The following ZNF93 variants were observed in gnomAD, a reference collection of about 807,000 sequenced individuals.
ZNF93 encodes zinc finger protein 505.
In ZNF93, 29 loss-of-function variants were observed where a neutral mutation model predicts 45.0. That is an observed-to-expected ratio of 0.64 (90% CI 0.48 to 0.88). ZNF93 has a LOEUF of 0.88. Ranked by LOEUF, ZNF93 falls within the 40% of genes least tolerant of loss-of-function variation. The pLI, the probability that ZNF93 is intolerant of heterozygous loss-of-function variation, is 0.00. For synonymous variants in ZNF93, 223 were observed against 244.6 expected (o/e 0.91, Z 0.82); for missense variants, 578 against 724.0 (o/e 0.80, Z 2.31).
In ZNF93 at chr19:19,934,751, G is replaced by T. The variant is rs764963014; in HGVS notation, c.1796G>T (p.Gly599Val). The change falls in exon 4 of 4, where the codon GGC (glycine) becomes GTC (valine). Residue 599 changes from glycine to valine, a missense_variant. Gly to Val is a moderately radical substitution (Grantham distance 109). This residue lies in a region of ZNF93 where 119 missense variants were observed against 123.1 expected (regional missense o/e 0.97). Transcript: ENST00000343769. ...GEKPYECDKC[G>V]KAFISPSSLS... ...AAACCATACGAGTGTGATAAATGTG[G>T]CAAAGCCTTTATTTCACCCTCAAGC... 6.2e-7 allele frequency: 1 copy of T among 1,610,810 alleles called. No homozygotes were observed.
intron 2 of ZNF93, among the ~76,000 whole-genome samples, chr19:19,915,836 C>T (rs747869726): frequency 6.6e-6 from 1 of 151,972 alleles, no homozygotes; most frequent in African/African-American, 2.4e-5. Context: ...AGCAAGATTA[C>T]TTCTCGAGAA....
At chr19:19,932,127 G>C (rs149628406) in intron 3 of ZNF93, 1 of 214,204 alleles carries the variant, frequency 4.7e-6, no homozygotes, top group Admixed American at 5.9e-5. Context: ...CAAAAAATTA[G>C]CCAGGCATGG....
chr19:19,915,365 G>A lies in ZNF93; in HGVS notation c.89G>A (p.Arg30Lys), dbSNP rs1599568540. 1 of 1,614,016 alleles carries A rather than the reference G, an allele frequency of 6.2e-7. No individual in the cohort carries two copies. The highest frequency in any genetic ancestry group is 1.3e-5 in the African/African-American group (1 of 75,032). The change falls in exon 2 of 4, where the codon AGG (arginine) becomes AAG (lysine). Residue 30 changes from arginine to lysine, a missense_variant. Transcript: ENST00000343769. The stretch of plus-strand genomic sequence containing the variant: ...GACACTGCACAGCGGAATCTATATA[G>A]GAATGTGATGTTAGAGAACTACAGT... ...CLDTAQRNLY[R>K]NVMLENYSNL...
Position 19,934,840 on chromosome 19 carries a change from G to A in ZNF93, c.*22G>A, listed in dbSNP as rs1293030461. ...CTAGAAGTGTGAAGAATGTGGCAAA[G>A]CCTTCAAGTGGTCCTCACACCTTAC... On this transcript the variant is annotated 3_prime_UTR_variant, in exon 4 of 4. Transcript: ENST00000343769. The A allele has an allele frequency of 6.3e-7, 1 of 1,582,616 alleles. No homozygotes were observed. Among genetic ancestry groups the A allele is most frequent in the African/African-American group, 1.4e-5 (1 of 73,876 alleles).
At chr19:19,906,559 T>G (rs971933441) in intron 1 of ZNF93, among the ~76,000 whole-genome samples, 1 of 152,198 alleles carries the variant, frequency 6.6e-6, no homozygotes, top group African/African-American at 2.4e-5. Flanking sequence ...ATTTTTGCTT[T>G]TGTTACAGTT....
At chr19:19,915,440 A>G in intron 2 of ZNF93, 34 bp downstream of exon 2, 2 of 1,581,622 alleles carry the variant, frequency 1.3e-6, no homozygotes, top group Non-Finnish European at 1.7e-6. Context: ...TTCATAATAC[A>G]CCCTAAAGGT....
intron 1 of ZNF93, chr19:19,909,528 A>G (rs955360991): frequency 2.6e-5 from 4 of 152,242 alleles, no homozygotes; most frequent in Non-Finnish European, 2.9e-5. Flanking sequence ...TGAACTATAT[A>G]TGACATGGTG....
At position 19,926,910 on chromosome 19, in the gene ZNF93, A is replaced by G. The variant is rs74756308; in HGVS notation, c.227-6272A>G. Among the ~76,000 whole-genome samples the G allele has an allele frequency of 5.0e-3, 764 of 152,242 alleles. 23 individuals are homozygous for G. In the East Asian group the frequency reaches 0.1, roughly 21 times the overall value. The stretch of plus-strand genomic sequence containing the variant: ...GTTTTATCTTGTCTAAGTGAGAGTC[A>G]TGGAGATAGTCTTATTTTCACCATG... On this transcript the variant is annotated intron_variant, in intron 3 of 3. Transcript: ENST00000343769.
At chr19:19,916,069 CTTTT>C (rs769502324) in intron 2 of ZNF93, among the ~76,000 whole-genome samples, 1 of 138,506 alleles carries the variant, frequency 7.2e-6, no homozygotes. Flanking sequence ...TTTCTTTTTC[CTTTT>C]TTTTTTTTTT....
intron 3 of ZNF93, among the ~76,000 whole-genome samples, chr19:19,927,660 G>A (rs890272234): frequency 6.6e-6 from 1 of 152,074 alleles, no homozygotes; most frequent in African/African-American, 2.4e-5. Context: ...TCTTTAAGGT[G>A]GAATAATATT....
At chr19:19,904,162 G>A (rs1486213039) in intron 1 of ZNF93, among the ~76,000 whole-genome samples, 1 of 149,140 alleles carries the variant, frequency 6.7e-6, no homozygotes, top group African/African-American at 2.5e-5. Flanking sequence ...TGCAGAGTGT[G>A]TGTCTGGCTG....
At chr19:19,904,235 C>G (rs1429609197) in intron 1 of ZNF93, among the ~76,000 whole-genome samples, 1 of 149,634 alleles carries the variant, frequency 6.7e-6, no homozygotes, top group Non-Finnish European at 1.5e-5. Flanking sequence ...TAAACTGTTT[C>G]TGGAGCACAC....
chr19:19,911,536 G>A (rs1221209695), intron 1 of ZNF93, among the ~76,000 whole-genome samples: 1 of 151,844 alleles, frequency 6.6e-6, no homozygotes, highest in African/African-American at 2.4e-5. Flanking sequence ...CTTCATATGG[G>A]CATTAAAAAA....
rs555810629 is a variant in ZNF93 at position 19,903,031 on chromosome 19, G to T, written c.3+1940G>T. 5.9e-5 allele frequency among the ~76,000 whole-genome samples: 9 copies of T among 152,274 alleles called. No homozygotes were observed. In the South Asian group the frequency reaches 1.7e-3, roughly 28 times the overall value. ...TGGGATTACAGGCGTGAGCCACCGC[G>T]CCCGGCCTTTGGGAGGATCTTACTG... On this transcript the variant is annotated intron_variant, in intron 1 of 3. Transcript: ENST00000343769.
At chr19:19,906,711 G>A (rs1013968593) in intron 1 of ZNF93, among the ~76,000 whole-genome samples, 1 of 151,954 alleles carries the variant, frequency 6.6e-6, no homozygotes, top group Admixed American at 6.6e-5. Flanking sequence ...TGTATATGAT[G>A]TAATGAAGGG....
chr19:19,921,349 G>A (rs1471667601), intron 3 of ZNF93, among the ~76,000 whole-genome samples: 1 of 152,184 alleles, frequency 6.6e-6, no homozygotes, highest in African/African-American at 2.4e-5. Flanking sequence ...GCTGAGGAGT[G>A]CTTTACTTCC....
At position 19,934,137 on chromosome 19, in the gene ZNF93, G is replaced by T; in HGVS notation, c.1182G>T (p.Glu394Asp). The T allele has an allele frequency of 6.2e-7, 1 of 1,611,008 alleles. No homozygotes were observed. ...LTRHKRVHTGEKPYKCEECGK... is the reference protein window; with the variant it reads ...LTRHKRVHTGDKPYKCEECGK... ...GACATAAGAGAGTTCATACTGGAGA[G>T]AAGCCCTACAAATGTGAAGAATGTG... The change falls in exon 4 of 4, where the codon GAG becomes GAT. Residue 394 changes from glutamate (E) to aspartate (D), a missense_variant. Coordinates refer to ENST00000343769, the MANE Select transcript of ZNF93 (RefSeq NM_031218.4).
At chr19:19,931,053 T>TTAA (rs1275376665) in intron 3 of ZNF93, among the ~76,000 whole-genome samples, 4 of 151,700 alleles carry the variant, frequency 2.6e-5, no homozygotes, top group African/African-American at 9.7e-5. Flanking sequence ...CCTATTTGAC[T>TTAA]TAATGCTAAA....
At position 19,933,524 on chromosome 19, in the gene ZNF93, C is replaced by G. The variant is rs749086287; in HGVS notation, c.569C>G (p.Thr190Arg). The stretch of plus-strand genomic sequence containing the variant: ...TTTAACCAGTTCTCAACCCTTATAA[C>G]ACATAAGAAAATTCATACTGGAGAG... ...KAFNQFSTLI[T>R]HKKIHTGEKP... Residue 190 changes from threonine to arginine, a missense_variant, in exon 4 of 4, where the codon ACA (threonine) becomes AGA (arginine). Thr to Arg is a moderately conservative substitution (Grantham distance 71). This residue lies in a region of ZNF93 where 446 missense variants were observed against 547.6 expected (regional missense o/e 0.81). Transcript: ENST00000343769. The G allele has an allele frequency of 6.2e-7, 1 of 1,606,280 alleles. No individual in the cohort carries two copies. The highest frequency in any genetic ancestry group is 1.7e-5 in the Admixed American group (1 of 58,408).
Sources: gnomAD v4.1 joint callset for allele counts (sites outside exome capture counted in the v4.1 genomes callset) on GRCh38, gnomAD v4.1.1 for gene constraint, gnomAD v4.1.1 regional missense constraint, MANE v1.5 for transcripts, NCBI Gene and HGNC (gene_info 2026-07-23, HGNC 2026-07-21) for gene names.